ELMO1: variants seen among roughly 807,000 people sequenced by gnomAD.
ELMO1 encodes engulfment and cell motility 1, also known as engulfment and cell motility protein 1.
ELMO1 carries 26 observed loss-of-function variants against 98.9 expected under a neutral mutation model. The observed-to-expected ratio is 0.26, with a 90% CI of 0.19 to 0.36. The LOEUF (loss-of-function observed/expected upper bound fraction) is 0.36. Ranked by LOEUF, ELMO1 falls within the 10% of genes least tolerant of loss-of-function variation. ELMO1 has a pLI of 1.00. For missense variants in ELMO1, 627 were observed against 935.2 expected (o/e 0.67, Z 4.30); for synonymous variants, 346 against 346.0 (o/e 1.00, Z 0.00).
At chr7:36,923,337 C>T (rs1785291427) in intron 16 of ELMO1, among the ~76,000 whole-genome samples, 1 of 152,122 alleles carries the variant, frequency 6.6e-6, no homozygotes, top group Non-Finnish European at 1.5e-5. Context: ...CAGTGTGTGT[C>T]AATGTTATAT....
chr7:37,045,470 A>C (rs962653394), intron 15 of ELMO1, among the ~76,000 whole-genome samples: 26 of 152,160 alleles, frequency 1.7e-4, no homozygotes, highest in Admixed American at 5.9e-4. Context: ...TTATTATTTT[A>C]AAAAACTTCT....
intron 20 of ELMO1, among the ~76,000 whole-genome samples, chr7:36,869,184 C>T (rs1803303863): frequency 6.6e-6 from 1 of 152,228 alleles, no homozygotes; most frequent in Admixed American, 6.5e-5. Flanking sequence ...CTTGGGCATG[C>T]CCTGCCATCA....
chr7:37,248,125 C>T (rs923303729), intron 6 of ELMO1, among the ~76,000 whole-genome samples: 3 of 150,164 alleles, frequency 2.0e-5, no homozygotes, highest in Admixed American at 6.7e-5. Flanking sequence ...ACTTTGGCTT[C>T]AGATTATGCA....
At chr7:36,951,080 T>A (rs919013659) in intron 16 of ELMO1, among the ~76,000 whole-genome samples, 5 of 152,230 alleles carry the variant, frequency 3.3e-5, no homozygotes, top group African/African-American at 9.7e-5. Flanking sequence ...TCTTACCTTA[T>A]TCCTACTGTT....
intron 7 of ELMO1, among the ~76,000 whole-genome samples, chr7:37,236,920 T>C (rs1246470370): frequency 6.6e-6 from 1 of 152,216 alleles, no homozygotes; most frequent in East Asian, 1.9e-4. Context: ...ATGCTGGGTA[T>C]AGAGAGTCAA....
At chr7:37,256,777 AGGGAAGG>A (rs1274998094) in intron 6 of ELMO1, among the ~76,000 whole-genome samples, 1 of 112,068 alleles carries the variant, frequency 8.9e-6, no homozygotes, top group Non-Finnish European at 1.8e-5. Flanking sequence ...GGGAGGAGGA[AGGGAAGG>A]GAGAAGGGAG....
intron 13 of ELMO1, among the ~76,000 whole-genome samples, chr7:37,152,646 C>A (rs1167027042): frequency 6.6e-6 from 1 of 152,110 alleles, no homozygotes; most frequent in African/African-American, 2.4e-5. Flanking sequence ...AGCATACACT[C>A]AGATGGCTAA....
chr7:36,914,328 T>C (rs1418231598), intron 16 of ELMO1, among the ~76,000 whole-genome samples: 1 of 152,240 alleles, frequency 6.6e-6, no homozygotes, highest in Non-Finnish European at 1.5e-5. Flanking sequence ...GCTAGGTGAC[T>C]GCAAACTAAA....
chr7:36,859,549 T>C (rs1359505423), intron 21 of ELMO1, among the ~76,000 whole-genome samples: 1 of 152,140 alleles, frequency 6.6e-6, no homozygotes, highest in Non-Finnish European at 1.5e-5. Flanking sequence ...TCTTCCTAGC[T>C]CCACAGTGCA....
chr7:37,308,618 T>C (rs2701003), intron 4 of ELMO1, among the ~76,000 whole-genome samples: 53,222 of 152,148 alleles, frequency 0.35, 10,490 homozygotes, highest in Middle Eastern at 0.53. Context: ...TCTGTGATTA[T>C]CAGGAAGGTT....
chr7:37,020,144 C>T (rs1001137716), intron 15 of ELMO1, among the ~76,000 whole-genome samples: 3 of 152,152 alleles, frequency 2.0e-5, no homozygotes, highest in Non-Finnish European at 4.4e-5. Flanking sequence ...GTCATTGCAG[C>T]TCCCTGGGCT....
intron 18 of ELMO1, among the ~76,000 whole-genome samples, chr7:36,884,003 T>G (rs1437621778): frequency 6.6e-6 from 1 of 152,238 alleles, no homozygotes; most frequent in Non-Finnish European, 1.5e-5. Context: ...TGGGCTCCCA[T>G]GCTACTCCAC....
At chr7:37,255,380 T>G (rs1039044637) in intron 6 of ELMO1, among the ~76,000 whole-genome samples, 1 of 152,206 alleles carries the variant, frequency 6.6e-6, no homozygotes, top group Admixed American at 6.5e-5. Context: ...ACCTTGATCA[T>G]GGACTTGCAG....
chr7:37,083,302 A>G (rs1363203322), intron 15 of ELMO1, among the ~76,000 whole-genome samples: 2 of 152,100 alleles, frequency 1.3e-5, no homozygotes, highest in Admixed American at 6.5e-5. Flanking sequence ...AGAGTCTATT[A>G]AGCTTGCTGA....
At chr7:36,991,904 A>G (rs950852235) in intron 16 of ELMO1, among the ~76,000 whole-genome samples, 1 of 152,194 alleles carries the variant, frequency 6.6e-6, no homozygotes, top group African/African-American at 2.4e-5. Context: ...GCCATCTAGT[A>G]AAGTGGGACA....
intron 5 of ELMO1, among the ~76,000 whole-genome samples, chr7:37,263,344 A>G (rs1287173606): frequency 6.6e-6 from 1 of 151,972 alleles, no homozygotes; most frequent in Non-Finnish European, 1.5e-5. Context: ...CAAAATCCTC[A>G]GCATCCTCAT....
intron 13 of ELMO1, among the ~76,000 whole-genome samples, chr7:37,201,208 A>G (rs1258503065): frequency 6.6e-6 from 1 of 152,168 alleles, no homozygotes. Context: ...ACAGCTTTGC[A>G]TAACTCCCCA....
intron 16 of ELMO1, among the ~76,000 whole-genome samples, chr7:36,972,469 G>C (rs1584459070): frequency 2.0e-5 from 3 of 152,232 alleles, no homozygotes; most frequent in Non-Finnish European, 2.9e-5. Flanking sequence ...TTGTCTCACA[G>C]TTCTGGAGGC....
intron 15 of ELMO1, among the ~76,000 whole-genome samples, chr7:37,021,824 G>T (rs982243843): frequency 1.3e-5 from 2 of 152,042 alleles, no homozygotes; most frequent in African/African-American, 4.8e-5. Context: ...AATTATTATT[G>T]TACCTAGCTA....
Sources: allele counts gnomAD v4.1 joint callset (sites outside exome capture counted in the v4.1 genomes callset), GRCh38; gene constraint gnomAD v4.1.1; transcripts MANE v1.5; gene names NCBI Gene and HGNC (gene_info 2026-07-23, HGNC 2026-07-21).